Variants in STX18 observed in about 807,000 individuals in gnomAD.
STX18 encodes syntaxin 18, also known as syntaxin-18.
Under a neutral mutation model 50.1 loss-of-function variants are expected in STX18, and 40 were observed. The observed-to-expected ratio is 0.80, with a 90% confidence interval of 0.62 to 1.04. The LOEUF is 1.04. Ranked by LOEUF, STX18 falls within the 50% of genes least tolerant of loss-of-function variation. The pLI is 0.00. For missense variants in STX18, 410 were observed against 415.8 expected, an observed-to-expected ratio of 0.99 and a Z score of 0.12; for synonymous variants, 158 against 151.8, an observed-to-expected ratio of 1.04 and a Z score of -0.30.
chr4:4,443,026 A>ATTTGACC (rs915125046), intron 5 of STX18, among the ~76,000 whole-genome samples: 2 of 152,236 alleles, frequency 1.3e-5, no homozygotes, highest in Non-Finnish European at 2.9e-5. Context: ...ATGTGAAGAC[A>ATTTGACC]TACTGGGTAG....
At chr4:4,480,513 C>T (rs1318327257) in intron 1 of STX18, among the ~76,000 whole-genome samples, 1 of 152,234 alleles carries the variant, frequency 6.6e-6, no homozygotes, top group Non-Finnish European at 1.5e-5. Flanking sequence ...CTTGCAAATA[C>T]ATCCCTTGCA....
intron 2 of STX18, among the ~76,000 whole-genome samples, chr4:4,460,283 A>G (rs1307746458): frequency 6.6e-6 from 1 of 152,200 alleles, no homozygotes; most frequent in Non-Finnish European, 1.5e-5. Context: ...ATAAATCAGT[A>G]ATAAATACTT....
rs1341535906 is a variant in STX18, at chr4:4,420,906, C to A, written c.870G>T (p.Gly290=). The A allele has an allele frequency of 6.2e-7, 1 of 1,614,160 alleles. No individual in the cohort carries two copies. ...EIDSIHQLVV[G]ATENIKEGNE... Reference sequence around the variant, plus strand: ...TGCCTTCCTTGATATTTTCAGTTGCCCCCACAACTAACTGGTGAATGCTGT... The same window carrying A: ...TGCCTTCCTTGATATTTTCAGTTGCACCCACAACTAACTGGTGAATGCTGT... The change falls in exon 10 of 11, where the codon GGG becomes GGT. Residue 290 remains glycine, a synonymous_variant. Coordinates refer to ENST00000306200, the MANE Select transcript of STX18 (RefSeq NM_016930.4). This position sits in a 1 kb window ranked among gnomAD's most constrained non-coding sequence, Gnocchi z 4.3.
intron 1 of STX18, among the ~76,000 whole-genome samples, chr4:4,473,291 C>CTTTTT (rs565584459): frequency 7.4e-6 from 1 of 134,678 alleles, no homozygotes; most frequent in Non-Finnish European, 1.6e-5. Flanking sequence ...GGAAATCTGA[C>CTTTTT]TTTTTTTTTT....
chr4:4,464,846 A>G (rs974882924), intron 2 of STX18, among the ~76,000 whole-genome samples: 12 of 151,138 alleles, frequency 7.9e-5, no homozygotes, highest in African/African-American at 2.9e-4. Context: ...AATTTTTTGC[A>G]AAAACCTGGA....
intron 1 of STX18, among the ~76,000 whole-genome samples, chr4:4,489,749 C>A (rs1021579344): frequency 6.6e-6 from 1 of 152,028 alleles, no homozygotes; most frequent in East Asian, 1.9e-4. Flanking sequence ...AAAATAATCA[C>A]TCCGTAACAT....
chr4:4,466,525 G>T (rs1308808890), intron 2 of STX18, among the ~76,000 whole-genome samples: 1 of 152,180 alleles, frequency 6.6e-6, no homozygotes, highest in Non-Finnish European at 1.5e-5. Flanking sequence ...GACAGACCAG[G>T]AGAGGAAGGG....
intron 5 of STX18, among the ~76,000 whole-genome samples, chr4:4,445,868 A>C (rs1726374386): frequency 6.6e-6 from 1 of 152,222 alleles, no homozygotes; most frequent in African/African-American, 2.4e-5. Flanking sequence ...AAAATCTAAA[A>C]TAGCAAAAAC....
Position 4,425,179 on chromosome 4 carries a change from A to G in STX18, c.746T>C (p.Leu249Ser), listed in dbSNP as rs1368538523. ...ACAAACATACCTCACTTCATCAAAC[A>G]AGCTGTTCATTTCACCAATTAGTCG... ...NQRLIGEMNS[L>S]FDEVRQIEGR... The change falls in exon 8 of 11, where the codon TTG (leucine) becomes TCG (serine). Residue 249 changes from leucine to serine, a missense_variant. Physicochemically the swap from Leu to Ser is moderately radical, Grantham distance 145. Coordinates refer to ENST00000306200, the MANE Select transcript of STX18 (RefSeq NM_016930.4). 1 of 1,614,162 alleles carries G rather than the reference A, an allele frequency of 6.2e-7. No homozygotes were observed. The highest frequency in any genetic ancestry group is 1.7e-5 in the Admixed American group (1 of 60,028).
chr4:4,448,374 C>T (rs571381727), intron 5 of STX18, among the ~76,000 whole-genome samples: 2 of 151,740 alleles, frequency 1.3e-5, no homozygotes, highest in African/African-American at 4.8e-5. Context: ...CAGAGTCTCA[C>T]TCCATCACCC....
chr4:4,499,564 T>A, intron 1 of STX18: 50 of 985,052 alleles, frequency 5.1e-5, no homozygotes, highest in Non-Finnish European at 6.0e-5. Flanking sequence ...AGCTGCATTT[T>A]CAGATTCATA....
rs1727686655 is a variant in STX18, at chr4:4,467,683, G to T, written c.236+3956C>A. 5.6e-5 allele frequency among the ~76,000 whole-genome samples: 8 copies of T among 141,874 alleles called. No individual in the cohort carries two copies. In the South Asian group the frequency reaches 1.7e-3, roughly 30 times the overall value. The allele number at this position is 141,874 out of a possible 152,430, so 93.1% of individuals were successfully genotyped here. On this transcript the variant is annotated intron_variant, in intron 2 of 10. Coordinates refer to ENST00000306200, the MANE Select transcript of STX18 (RefSeq NM_016930.4). ...CAAATGAGATAAAATATGAATAACT[G>T]GTGCTTATCAGAGTACCTAACACAG...
intron 1 of STX18, among the ~76,000 whole-genome samples, chr4:4,487,527 T>C (rs936738884): frequency 6.6e-6 from 1 of 152,200 alleles, no homozygotes. Context: ...GTCCATACTC[T>C]GGAATAGACT....
At chr4:4,435,488 G>A (rs1317303360) in intron 6 of STX18, among the ~76,000 whole-genome samples, 1 of 152,168 alleles carries the variant, frequency 6.6e-6, no homozygotes, top group Non-Finnish European at 1.5e-5. Context: ...GATATCAATA[G>A]TAACATGCTG....
At chr4:4,452,284 G>A (rs562755170) in intron 5 of STX18, among the ~76,000 whole-genome samples, 3 of 152,364 alleles carry the variant, frequency 2.0e-5, no homozygotes, top group African/African-American at 7.2e-5. Context: ...ATTAGCAAGT[G>A]CTGACACAGA....
intron 1 of STX18, among the ~76,000 whole-genome samples, chr4:4,526,600 G>A (rs1577403163): frequency 6.6e-6 from 1 of 152,166 alleles, no homozygotes; most frequent in African/African-American, 2.4e-5. Flanking sequence ...TGATTTTATC[G>A]CAGTTGAGTC....
chr4:4,526,122 T>C (rs1252953550), intron 1 of STX18, among the ~76,000 whole-genome samples: 1 of 152,140 alleles, frequency 6.6e-6, no homozygotes, highest in East Asian at 1.9e-4. Flanking sequence ...GAATGAGCGG[T>C]ACTGAGCGCT....
chr4:4,437,701 G>C (rs1725860644), intron 6 of STX18: 1 of 825,650 alleles, frequency 1.2e-6, no homozygotes, highest in Non-Finnish European at 1.5e-6. Flanking sequence ...CCTGGCTCCA[G>C]CACGCCATCA....
chr4:4,434,760 A>C lies in STX18; in HGVS notation c.702+10T>G. The C allele has an allele frequency of 1.9e-6, 3 of 1,597,830 alleles. No individual in the cohort carries two copies. Among genetic ancestry groups the C allele is most frequent in the Non-Finnish European group, 2.6e-6 (3 of 1,173,322 alleles). On this transcript the variant is annotated intron_variant, in intron 7 of 10. Transcript: ENST00000306200. ...TTAAAAATAAATAATTAGGCAGAGA[A>C]TAGCATTACCATTTGTATTTCTTCT...
Sources: allele counts gnomAD v4.1 joint callset (sites outside exome capture counted in the v4.1 genomes callset), GRCh38; gene constraint gnomAD v4.1.1; non-coding constraint Gnocchi (gnomAD v3.1); transcripts MANE v1.5; gene names NCBI Gene and HGNC (gene_info 2026-07-23, HGNC 2026-07-21).